The following DHX9 variants were observed in gnomAD, a reference collection of about 807,000 sequenced individuals.
DHX9 encodes the protein ATP-dependent RNA helicase A.
DHX9 carries 27 observed loss-of-function variants against 148.7 expected under a neutral mutation model. The ratio of observed to expected loss-of-function variants is 0.18; its 90% confidence interval spans 0.13 to 0.25. The LOEUF is 0.25. DHX9 is among the 10% of genes least tolerant of loss of function. The pLI, the probability that DHX9 is intolerant of heterozygous loss-of-function variation, is 1.00. For synonymous variants in DHX9, 529 were observed against 516.6 expected, an observed-to-expected ratio of 1.02 and a Z score of -0.33; for missense variants, 796 against 1,559.6, an observed-to-expected ratio of 0.51 and a Z score of 8.25.
intron 26 of DHX9, among the ~76,000 whole-genome samples, chr1:182,883,951 C>T (rs1417048127): frequency 2.0e-5 from 3 of 152,244 alleles, no homozygotes; most frequent in African/African-American, 7.2e-5. Context: ...AGCCAGTAGG[C>T]TCAGCCATCA....
intron 12 of DHX9, 41 bp from the exon 13 acceptor site, chr1:182,866,403 C>T (rs1441700529): frequency 1.1e-5 from 18 of 1,604,734 alleles, no homozygotes; most frequent in Admixed American, 5.1e-5. Flanking sequence ...GTATATCTAA[C>T]TTTGTAGTTG....
rs376887187 is a variant in DHX9 at position 182,887,190 on chromosome 1, G to A, written c.3569G>A (p.Ser1190Asn). ...GGTGGAGGCTATGGCGGTGGCTATA[G>A]CAGTGGAGGCTATGGTAGCGGAGGC... The part of the protein sequence containing the change: ...YSGGGYGGGY[S>N]SGGYGSGGYG... The change falls in exon 28 of 28, where the codon AGC becomes AAC. Residue 1190 changes from serine to asparagine, a missense_variant. Physicochemically the swap from Ser to Asn is conservative, Grantham distance 46. Around this residue, in one of 14 missense-constraint regions of DHX9, gnomAD observed 98 missense variants for 105.5 expected, o/e 0.93. Transcript: ENST00000367549. 1.8e-5 allele frequency: 29 copies of A among 1,614,070 alleles called. No individual in the cohort carries two copies. The highest frequency in any genetic ancestry group is 2.5e-5 in the Non-Finnish European group (29 of 1,180,000).
intron 12 of DHX9, among the ~76,000 whole-genome samples, chr1:182,863,803 T>C (rs1557972021): frequency 6.6e-6 from 1 of 152,040 alleles, no homozygotes; most frequent in East Asian, 1.9e-4. Flanking sequence ...ATTTTTTTTT[T>C]TTACTGCTTT....
chr1:182,859,176 G>T (rs559199115), intron 11 of DHX9, 59 bp downstream of exon 11: 1 of 1,496,392 alleles, frequency 6.7e-7, no homozygotes. Context: ...CTAGGTATGG[G>T]TAAAAAGTCA....
rs755359672 is a variant in DHX9 at position 182,858,794 on chromosome 1, C to G, written c.962C>G (p.Ser321Cys). The change falls in exon 10 of 28, where the codon TCT (serine) becomes TGT (cysteine). Residue 321 changes from serine to cysteine, a missense_variant. By Grantham distance (112) the Ser-to-Cys change is moderately radical. Transcript: ENST00000367549. ...NIGKLAQFEP[S>C]QRQNQVGVVP... ...GGCAAATTGGCTCAGTTCGAACCAT[C>G]TCAGCGACAAAACCAAGTGGGTGTG... 6.2e-7 allele frequency: 1 copy of G among 1,614,052 alleles called. No individual in the cohort carries two copies. The highest frequency in any genetic ancestry group is 8.5e-7 in the Non-Finnish European group (1 of 1,180,028).
chr1:182,882,978 T>C (rs1649155743), intron 24 of DHX9, among the ~76,000 whole-genome samples, 161 bp from the exon 25 acceptor site: 1 of 152,198 alleles, frequency 6.6e-6, no homozygotes. Context: ...TCCTTGAACT[T>C]AATCTGGGTG....
intron 15 of DHX9, among the ~76,000 whole-genome samples, chr1:182,873,731 A>C (rs1219450987): frequency 1.3e-5 from 2 of 152,196 alleles, no homozygotes; most frequent in Admixed American, 6.5e-5. Flanking sequence ...GTGGGAGTAG[A>C]AGCAGTGACA....
At chr1:182,848,349 CA>C (rs1668070123) in intron 3 of DHX9, among the ~76,000 whole-genome samples, 1 of 152,154 alleles carries the variant, frequency 6.6e-6, no homozygotes, top group Non-Finnish European at 1.5e-5. Context: ...AGGTGAAGGC[CA>C]GGGATGCTGC....
intron 20 of DHX9, 126 bp from the exon 21 acceptor site, chr1:182,879,124 G>A: frequency 1.4e-6 from 1 of 722,314 alleles, no homozygotes; most frequent in Non-Finnish European, 2.1e-6. Flanking sequence ...AAGGTCCGAT[G>A]GTAATTGTAA....
At position 182,884,728 on chromosome 1, in the gene DHX9, C is replaced by G; in HGVS notation, c.3376C>G (p.Pro1126Ala). Reference sequence around the variant, plus strand: ...ACCTGCTATCATCAGCCAGTTGGACCCCGTAAATGAACGTATGCTGAACAT... The same window carrying G: ...ACCTGCTATCATCAGCCAGTTGGACGCCGTAAATGAACGTATGCTGAACAT... ...KQPAIISQLD[P>A]VNERMLNMIR... The change falls in exon 27 of 28, where the codon CCC becomes GCC. Residue 1126 changes from proline (P) to alanine (A), a missense_variant. This residue lies in a region of DHX9 where 86 missense variants were observed against 156.3 expected (regional missense o/e 0.55). Coordinates refer to ENST00000367549, the MANE Select transcript of DHX9 (RefSeq NM_001357.5). 1.2e-6 allele frequency: 2 copies of G among 1,614,030 alleles called. No homozygotes were observed. The highest frequency in any genetic ancestry group is 1.7e-6 in the Non-Finnish European group (2 of 1,180,014).
intron 21 of DHX9, among the ~76,000 whole-genome samples, chr1:182,879,642 T>C (rs1648998167): frequency 6.6e-6 from 1 of 152,114 alleles, no homozygotes; most frequent in Non-Finnish European, 1.5e-5. Context: ...AAAGAAAACT[T>C]AAAAAGGCAT....
rs1007756638 is a variant in DHX9, at chr1:182,877,882, A to C, written c.2199-139A>C. The C allele has an allele frequency of 6.3e-6, 6 of 958,728 alleles. No homozygotes were observed. The African/African-American group carries it at 9.9e-5, about 16-fold the overall frequency. 59.4% of individuals were successfully genotyped at this position (958,728 alleles called of 1,614,324 possible). The stretch of plus-strand genomic sequence containing the variant: ...GTTTGCAGTCAGATTGCTGATTCTT[A>C]CTTGTGCCATTCATGAATAGACATC... On this transcript the variant is annotated intron_variant, in intron 19 of 27. Transcript: ENST00000367549.
At chr1:182,872,257 T>A in intron 14 of DHX9, 80 bp from the exon 15 acceptor site, 2 of 1,182,884 alleles carry the variant, frequency 1.7e-6, no homozygotes, top group Admixed American at 4.4e-5. Context: ...TGATGTCTTA[T>A]GGCTGTATAA....
chr1:182,874,920 A>G lies in DHX9; in HGVS notation c.1781A>G (p.Lys594Arg). The G allele has an allele frequency of 6.2e-7, 1 of 1,613,394 alleles. No individual in the cohort carries two copies. The highest frequency in any genetic ancestry group is 8.5e-7 in the Non-Finnish European group (1 of 1,179,430). Residue 594 changes from lysine to arginine, a missense_variant, in exon 16 of 28, where the codon AAG becomes AGG. Physicochemically the swap from Lys to Arg is conservative, Grantham distance 26 (BLOSUM62 2). This residue lies in a region of DHX9 where 133 missense variants were observed against 223.8 expected (regional missense o/e 0.59). Coordinates refer to ENST00000367549, the MANE Select transcript of DHX9 (RefSeq NM_001357.5). ...FVPPPKDKKK[K>R]DKDDDGGEDD... ...CCTCCACCAAAAGACAAAAAGAAGA[A>G]GGATAAGGATGATGATGGTGGTGAG...
intron 1 of DHX9, among the ~76,000 whole-genome samples, chr1:182,840,462 G>C (rs773408209): frequency 6.6e-6 from 1 of 152,072 alleles, no homozygotes; most frequent in Non-Finnish European, 1.5e-5. Flanking sequence ...ACCACGCCCA[G>C]CTAATTTTTG....
intron 19 of DHX9, chr1:182,877,707 C>A: frequency 4.1e-6 from 1 of 243,182 alleles, no homozygotes; most frequent in Non-Finnish European, 8.0e-6. Flanking sequence ...GTGCCATATT[C>A]CATTTAAATG....
At chr1:182,842,279 C>T (rs906784227) in intron 1 of DHX9, among the ~76,000 whole-genome samples, 1 of 152,094 alleles carries the variant, frequency 6.6e-6, no homozygotes, top group African/African-American at 2.4e-5. Context: ...CACTCTTAGT[C>T]CCCAAAGATA....
chr1:182,855,945 A>T (rs1180493775), intron 6 of DHX9, among the ~76,000 whole-genome samples: 1 of 152,214 alleles, frequency 6.6e-6, no homozygotes, highest in South Asian at 2.1e-4. Context: ...GTTCTCCAGG[A>T]CCTGATTTAA....
intron 17 of DHX9, 78 bp downstream of exon 17, chr1:182,876,341 C>T (rs1300335258): frequency 6.4e-7 from 1 of 1,570,986 alleles, no homozygotes. Context: ...TATGTGAAAA[C>T]AAAATTTTGT....
Sources: gnomAD v4.1 joint callset for allele counts (sites outside exome capture counted in the v4.1 genomes callset) on GRCh38, gnomAD v4.1.1 for gene constraint, gnomAD v4.1.1 regional missense constraint, MANE v1.5 for transcripts, NCBI Gene and HGNC (gene_info 2026-07-23, HGNC 2026-07-21) for gene names.